SPTLC2: variants seen among roughly 807,000 people sequenced by gnomAD.
SPTLC2 encodes the protein serine palmitoyltransferase long chain base subunit 2, also known as serine palmitoyltransferase 2.
A neutral mutation model predicts 62.0 loss-of-function variants in SPTLC2; 21 were observed. The observed-to-expected ratio is 0.34, with a 90% CI of 0.24 to 0.49. SPTLC2 has a LOEUF of 0.49. Ranked by LOEUF, SPTLC2 falls within the 20% of genes least tolerant of loss-of-function variation. The pLI is 0.99. For missense variants in SPTLC2, 511 were observed against 713.0 expected (o/e 0.72, Z 3.23); for synonymous variants, 261 against 261.8 (o/e 1.00, Z 0.03).
At chr14:77,612,274 A>C (rs961884939) in intron 1 of SPTLC2, among the ~76,000 whole-genome samples, 1 of 152,186 alleles carries the variant, frequency 6.6e-6, no homozygotes, top group Non-Finnish European at 1.5e-5. Flanking sequence ...AGCGGTGCAA[A>C]TTTCTATGGC....
intron 9 of SPTLC2, among the ~76,000 whole-genome samples, chr14:77,530,715 T>C (rs28677959): frequency 0.19 from 28,525 of 152,108 alleles, 3,340 homozygotes; most frequent in African/African-American, 0.33. Context: ...ACTAAACTGA[T>C]GCCCAGTGAG....
chr14:77,520,171 T>C lies in SPTLC2; in HGVS notation c.1439+1275A>G, dbSNP rs140349454. Among the ~76,000 whole-genome samples the C allele has an allele frequency of 1.4e-3, 213 of 152,334 alleles. 1 individual carries two copies. The highest frequency in any genetic ancestry group is 5.0e-3 in the African/African-American group (206 of 41,562). ...AAAGAGAGCTCTAGACTGAGTCCTT[T>C]GGATCTGATAACTCTTCATGTTTGT... On this transcript the variant is annotated intron_variant, in intron 10 of 11. Coordinates refer to ENST00000216484, the MANE Select transcript of SPTLC2 (RefSeq NM_004863.4).
chr14:77,607,733 T>C (rs1342028057), intron 1 of SPTLC2, among the ~76,000 whole-genome samples: 3 of 152,242 alleles, frequency 2.0e-5, no homozygotes, highest in Admixed American at 6.5e-5. Context: ...CAAATGGTTA[T>C]ATGGGTTTCC....
At chr14:77,553,192 GCA>G (rs1438926268) in intron 8 of SPTLC2, among the ~76,000 whole-genome samples, 4 of 151,968 alleles carry the variant, frequency 2.6e-5, no homozygotes, top group Non-Finnish European at 5.9e-5. Flanking sequence ...TCTTTAAAAT[GCA>G]CACACAAGAA....
chr14:77,589,059 A>T (rs377433269), intron 2 of SPTLC2, among the ~76,000 whole-genome samples: 25 of 151,702 alleles, frequency 1.6e-4, no homozygotes, highest in African/African-American at 5.8e-4. Context: ...AAAAGGGAAA[A>T]GGAAAGCATT....
At chr14:77,573,579 A>T (rs965626519) in intron 4 of SPTLC2, among the ~76,000 whole-genome samples, 1 of 152,150 alleles carries the variant, frequency 6.6e-6, no homozygotes, top group Non-Finnish European at 1.5e-5. Context: ...AGAAAGGGGA[A>T]ATTTGGACAC....
At chr14:77,533,072 C>T (rs1432438640) in intron 9 of SPTLC2, among the ~76,000 whole-genome samples, 1 of 151,944 alleles carries the variant, frequency 6.6e-6, no homozygotes, top group Non-Finnish European at 1.5e-5. Context: ...CCAAGGTGGG[C>T]AGATCACCTG....
At chr14:77,560,904 CCT>C (rs2079611463) in intron 6 of SPTLC2, among the ~76,000 whole-genome samples, 3 of 2,408 alleles carry the variant, frequency 1.2e-3, no homozygotes, top group Non-Finnish European at 7.7e-3. Context: ...CGAAAAACTA[CCT>C]ACCTATCAGG....
At chr14:77,587,762 T>TAATAATAATAAA (rs1481204326) in intron 2 of SPTLC2, among the ~76,000 whole-genome samples, 1 of 147,806 alleles carries the variant, frequency 6.8e-6, no homozygotes. Flanking sequence ...TGTCTCAAAA[T>TAATAATAATAAA]AATAATAATA....
intron 9 of SPTLC2, among the ~76,000 whole-genome samples, chr14:77,546,578 T>C (rs1018287892): frequency 1.3e-5 from 2 of 152,160 alleles, no homozygotes; most frequent in African/African-American, 4.8e-5. Flanking sequence ...TCTGTGCCTC[T>C]GAGACTAGTT....
At chr14:77,611,544 G>A (rs968518720) in intron 1 of SPTLC2, among the ~76,000 whole-genome samples, 14 of 151,854 alleles carry the variant, frequency 9.2e-5, no homozygotes, top group Non-Finnish European at 1.9e-4. Context: ...ACAAACCTCC[G>A]GCTAGGCGTG....
At chr14:77,559,092 G>T (rs2079600929) in intron 6 of SPTLC2, among the ~76,000 whole-genome samples, 1 of 152,142 alleles carries the variant, frequency 6.6e-6, no homozygotes, top group African/African-American at 2.4e-5. Context: ...GACCGAGGCG[G>T]GTGAATCGCT....
chr14:77,539,861 T>G (rs138891636), intron 9 of SPTLC2, among the ~76,000 whole-genome samples: 2 of 151,658 alleles, frequency 1.3e-5, no homozygotes, highest in African/African-American at 2.4e-5. Flanking sequence ...AAAAACAGAT[T>G]GCTGACTGAA....
Position 77,562,485 on chromosome 14 carries a change from C to CA in SPTLC2, c.760dup (p.Cys254LeufsTer6). ...ATTCAGTTCATCACTCAGAATCAGGCAACCCTGCAACATCACAGGAACAGA... is the reference window on the plus strand; with the variant it reads ...ATTCAGTTCATCACTCAGAATCAGGCAAACCCTGCAACATCACAGGAACAGA... On this transcript the variant is annotated frameshift_variant, in exon 6 of 12. Transcript: ENST00000216484. LOFTEE classifies it high-confidence loss of function. 2 of 1,613,776 alleles carry CA rather than the reference C, an allele frequency of 1.2e-6. No homozygotes were observed. The highest frequency in any genetic ancestry group is 1.7e-6 in the Non-Finnish European group (2 of 1,179,726).
chr14:77,573,149 G>A (rs540816338), intron 4 of SPTLC2, among the ~76,000 whole-genome samples: 26 of 152,102 alleles, frequency 1.7e-4, no homozygotes, highest in Non-Finnish European at 3.2e-4. Context: ...TGGAGGTAGC[G>A]AGTAAAACAA....
intron 9 of SPTLC2, among the ~76,000 whole-genome samples, chr14:77,551,795 T>C (rs984844528): frequency 9.2e-5 from 14 of 152,310 alleles, no homozygotes; most frequent in African/African-American, 3.1e-4. Context: ...TACCTTCACA[T>C]AAAATTATGT....
At chr14:77,575,181 C>T (rs1001621302) in intron 4 of SPTLC2, among the ~76,000 whole-genome samples, 18 of 152,274 alleles carry the variant, frequency 1.2e-4, no homozygotes, top group South Asian at 2.1e-4. Context: ...GACTGCACCA[C>T]CGCACTCCAG....
intron 6 of SPTLC2, among the ~76,000 whole-genome samples, chr14:77,560,458 C>T (rs547429627): frequency 7.5e-4 from 114 of 151,476 alleles, no homozygotes; most frequent in African/African-American, 2.6e-3. Context: ...AAACAAAAAA[C>T]AAAAAACTTG....
At chr14:77,589,844 G>A (rs979386214) in intron 2 of SPTLC2, among the ~76,000 whole-genome samples, 2 of 151,510 alleles carry the variant, frequency 1.3e-5, no homozygotes, top group African/African-American at 4.9e-5. Flanking sequence ...TGGGCGTGGT[G>A]GTGCACGCCT....
Sources: gnomAD v4.1 joint callset for allele counts (sites outside exome capture counted in the v4.1 genomes callset) on GRCh38, gnomAD v4.1.1 for gene constraint, MANE v1.5 for transcripts, NCBI Gene and HGNC (gene_info 2026-07-23, HGNC 2026-07-21) for gene names.